The following KCNIP2 variants were observed in gnomAD, a reference collection of about 807,000 sequenced individuals.
KCNIP2 encodes the protein A-type potassium channel modulatory protein KCNIP2.
In KCNIP2, 19 loss-of-function variants were observed where a neutral mutation model predicts 39.0. The observed-to-expected ratio is 0.49, with a 90% CI of 0.34 to 0.71. KCNIP2 has a LOEUF of 0.71. Among genes scored for constraint, KCNIP2 ranks in the 30% least tolerant of loss-of-function variants. The pLI, the probability that KCNIP2 is intolerant of heterozygous loss-of-function variation, is 0.01. For missense variants in KCNIP2, 261 were observed against 346.0 expected, an observed-to-expected ratio of 0.75 and a Z score of 1.95; for synonymous variants, 111 against 131.2, an observed-to-expected ratio of 0.85 and a Z score of 1.05.
Position 101,827,134 on chromosome 10 carries a change from C to G in KCNIP2, c.*219G>C. 1 of 1,137,074 alleles carries G rather than the reference C, an allele frequency of 8.8e-7. No individual in the cohort carries two copies. The allele number at this position is 1,137,074 out of a possible 1,614,324, so 70.4% of individuals were successfully genotyped here. A position where few individuals can be genotyped will look rare whatever the true frequency, so the allele number is the denominator to read the frequency against. ...GTGTCAGGCAGGAAGGGGGTGAGAG[C>G]TGGTGGGAGTTGGGAACACCCCCCG... On this transcript the variant is annotated 3_prime_UTR_variant, in exon 10 of 10. Coordinates refer to ENST00000356640, the MANE Select transcript of KCNIP2 (RefSeq NM_173191.3).
At chr10:101,831,450 C>G (rs547642470) in intron 1 of KCNIP2, among the ~76,000 whole-genome samples, 1 of 152,124 alleles carries the variant, frequency 6.6e-6, no homozygotes, top group Non-Finnish European at 1.5e-5. Context: ...ACCTAGTACC[C>G]TTGGCTCAAG....
intron 1 of KCNIP2, among the ~76,000 whole-genome samples, chr10:101,840,720 G>T (rs1426346635): frequency 6.6e-6 from 1 of 152,160 alleles, no homozygotes; most frequent in Non-Finnish European, 1.5e-5. Context: ...CCGCATGATT[G>T]GTTGAAAACC....
intron 1 of KCNIP2, among the ~76,000 whole-genome samples, chr10:101,834,625 G>A (rs946279470): frequency 2.6e-5 from 4 of 152,176 alleles, no homozygotes; most frequent in Admixed American, 6.5e-5. Flanking sequence ...GGAACTTTTG[G>A]CCAAGATATG....
chr10:101,828,000 G>T lies in KCNIP2; in HGVS notation c.598-7C>A. On this transcript the variant is annotated splice_region_variant and splice_polypyrimidine_tract_variant and intron_variant, in intron 7 of 9. Transcript: ENST00000356640. ...TCATGATGTCAAGCATTTCCTGTTA[G>T]GCCAAGAGAGAAGAGGATCCTTCCT... The T allele has an allele frequency of 6.2e-7, 1 of 1,609,610 alleles. No homozygotes were observed. The highest frequency in any genetic ancestry group is 8.5e-7 in the Non-Finnish European group (1 of 1,175,940).
At chr10:101,833,480 CCTT>C in intron 1 of KCNIP2, among the ~76,000 whole-genome samples, 1 of 152,228 alleles carries the variant, frequency 6.6e-6, no homozygotes. Context: ...ATAAATGTCT[CCTT>C]CACAATGTTC....
chr10:101,828,835 T>A lies in KCNIP2; in HGVS notation c.349-139A>T, dbSNP rs1287714405. The stretch of plus-strand genomic sequence containing the variant: ...AGGACTCACCACGTGGCTCATGTGA[T>A]GGGAGGGAAGACTTCTTTCCCAGTG... On this transcript the variant is annotated intron_variant, in intron 4 of 9. Transcript: ENST00000356640. The surrounding 1 kb of genome is among the most constrained non-coding windows in gnomAD (Gnocchi z 6.6). 1 of 1,572,996 alleles carries A rather than the reference T, an allele frequency of 6.4e-7. No homozygotes were observed. Among genetic ancestry groups the A allele is most frequent in the South Asian group, 1.2e-5 (1 of 86,814 alleles).
chr10:101,843,423 G>T lies in KCNIP2; in HGVS notation c.73+73C>A. ...AGAGTGTGGGTGCGGGCCAGGCCGG[G>T]GTCGGAGAGGCGGAAGGGTCTGGAG... On this transcript the variant is annotated intron_variant, in intron 1 of 9. Coordinates refer to ENST00000356640, the MANE Select transcript of KCNIP2 (RefSeq NM_173191.3). The surrounding 1 kb of genome is among the most constrained non-coding windows in gnomAD (Gnocchi z 6.7). 2.0e-6 allele frequency: 2 copies of T among 1,005,842 alleles called. No homozygotes were observed. Among genetic ancestry groups the T allele is most frequent in the Non-Finnish European group, 2.8e-6 (2 of 723,806 alleles). The allele number at this position is 1,005,842 out of a possible 1,614,324, so 62.3% of individuals were successfully genotyped here.
In KCNIP2 at chr10:101,829,188, C is replaced by G; in HGVS notation, c.235G>C (p.Asp79His). 1 of 1,613,294 alleles carries G rather than the reference C, an allele frequency of 6.2e-7. No individual in the cohort carries two copies. The highest frequency in any genetic ancestry group is 8.5e-7 in the Non-Finnish European group (1 of 1,179,618). The change falls in exon 4 of 10, where the codon GAT becomes CAT. Residue 79 changes from aspartate (D) to histidine (H), a missense_variant. By Grantham distance (81) the Asp-to-His change is moderately conservative. Coordinates refer to ENST00000356640, the MANE Select transcript of KCNIP2 (RefSeq NM_173191.3). ...PRLLDPDSVD[D>H]EFELSTVCHR... ...CACACGGTGGACAATTCAAATTCATCGTCCACGCTGTCTGCGGGAGCGGTG... is the reference window on the plus strand; with the variant it reads ...CACACGGTGGACAATTCAAATTCATGGTCCACGCTGTCTGCGGGAGCGGTG...
intron 3 of KCNIP2, 74 bp downstream of exon 3, chr10:101,829,770 C>G: frequency 2.2e-6 from 1 of 460,670 alleles, no homozygotes; most frequent in Non-Finnish European, 3.4e-6. Context: ...GTCCAGCCCC[C>G]AGGCAAGTGC....
chr10:101,839,614 T>C (rs2066259570), intron 1 of KCNIP2: 2 of 783,850 alleles, frequency 2.6e-6, no homozygotes, highest in Admixed American at 3.9e-5. Context: ...GGATCTCGTC[T>C]TGGAAGCCCT....
chr10:101,828,786 G>C lies in KCNIP2; in HGVS notation c.349-90C>G, dbSNP rs2065844566. 6.2e-7 allele frequency: 1 copy of C among 1,609,174 alleles called. No homozygotes were observed. Among genetic ancestry groups the C allele is most frequent in the East Asian group, 2.2e-5 (1 of 44,734 alleles). ...CTCCATGGCCCAAGACTCCCAGGGAGGGGGATAATCTTCAAGCCTCCAGAG... is the reference window on the plus strand; with the variant it reads ...CTCCATGGCCCAAGACTCCCAGGGACGGGGATAATCTTCAAGCCTCCAGAG... On this transcript the variant is annotated intron_variant, in intron 4 of 9. Transcript: ENST00000356640. The surrounding 1 kb of genome is among the most constrained non-coding windows in gnomAD (Gnocchi z 6.6).
chr10:101,830,811 C>A (rs1205708115), intron 2 of KCNIP2, among the ~76,000 whole-genome samples: 1 of 149,492 alleles, frequency 6.7e-6, no homozygotes, highest in Non-Finnish European at 1.5e-5. Flanking sequence ...GCCCTCCACA[C>A]ACATGCAGGG....
chr10:101,834,166 T>A, intron 1 of KCNIP2: 1 of 397,768 alleles, frequency 2.5e-6, no homozygotes, highest in Non-Finnish European at 4.4e-6. Flanking sequence ...CACCTGCTCA[T>A]CCCTGCCCCA....
chr10:101,842,418 G>A (rs2066361474), intron 1 of KCNIP2, among the ~76,000 whole-genome samples: 1 of 152,252 alleles, frequency 6.6e-6, no homozygotes, highest in Non-Finnish European at 1.5e-5. Flanking sequence ...ACACCACATG[G>A]CACTTCCCAG....
chr10:101,837,356 A>G (rs1036906653), intron 1 of KCNIP2, among the ~76,000 whole-genome samples: 2 of 152,122 alleles, frequency 1.3e-5, no homozygotes, highest in African/African-American at 4.8e-5. Flanking sequence ...TTTTTCCAAG[A>G]TAACAGCTGA....
At position 101,829,195 on chromosome 10, in the gene KCNIP2, G is replaced by A. The variant is rs1313697615; in HGVS notation, c.228C>T (p.Ser76=). The A allele has an allele frequency of 1.2e-6, 2 of 1,612,330 alleles. No homozygotes were observed. The highest frequency in any genetic ancestry group is 1.7e-6 in the Non-Finnish European group (2 of 1,179,132). The stretch of plus-strand genomic sequence containing the variant: ...TGGACAATTCAAATTCATCGTCCAC[G>A]CTGTCTGCGGGAGCGGTGAGGACAG... ...PHRPRLLDPD[S]VDDEFELSTV... The change falls in exon 4 of 10, where the codon AGC becomes AGT. Residue 76 remains serine (S), a synonymous_variant. Transcript: ENST00000356640.
In KCNIP2 at chr10:101,843,536, G is replaced by C. The variant is rs759321327; in HGVS notation, c.33C>G (p.Ser11=). 8.2e-6 allele frequency: 13 copies of C among 1,579,636 alleles called. No homozygotes were observed. The highest frequency in any genetic ancestry group is 1.1e-5 in the Non-Finnish European group (13 of 1,164,536). The change falls in exon 1 of 10, where the codon TCC becomes TCG. Residue 11 remains serine (S), a synonymous_variant. Transcript: ENST00000356640. The surrounding 1 kb of genome is among the most constrained non-coding windows in gnomAD (Gnocchi z 6.7). ...AGGAGCCGTCCAGGTCTCGGGAATC[G>C]GACAAACTCTCCTTGCGGCCCTGGC... MRGQGRKESL[S]DSRDLDGSYD...
intron 1 of KCNIP2, among the ~76,000 whole-genome samples, chr10:101,840,064 G>GTC (rs1564674425): frequency 6.6e-6 from 1 of 151,706 alleles, no homozygotes; most frequent in Non-Finnish European, 1.5e-5. Flanking sequence ...GGACGGGGGG[G>GTC]GGGGGTGGCG....
chr10:101,827,195 CCA>C lies in KCNIP2; in HGVS notation c.*156_*157del. 7.5e-7 allele frequency: 1 copy of C among 1,337,872 alleles called. No homozygotes were observed. Among genetic ancestry groups the C allele is most frequent in the Non-Finnish European group, 9.6e-7 (1 of 1,042,776 alleles). The allele number at this position is 1,337,872 out of a possible 1,614,324, so 82.9% of individuals were successfully genotyped here. On this transcript the variant is annotated 3_prime_UTR_variant, in exon 10 of 10. Transcript: ENST00000356640. Reference sequence around the variant, plus strand: ...TGCCCACTCTCTGGCCCCTTCAGCTCCAGAGATCTGGACTACTGAATCCCCAA... The same window carrying C: ...TGCCCACTCTCTGGCCCCTTCAGCTCGAGATCTGGACTACTGAATCCCCAA...
Sources: gnomAD v4.1 joint callset for allele counts (sites outside exome capture counted in the v4.1 genomes callset) on GRCh38, gnomAD v4.1.1 for gene constraint, Gnocchi (gnomAD v3.1) non-coding constraint, MANE v1.5 for transcripts, NCBI Gene and HGNC (gene_info 2026-07-23, HGNC 2026-07-21) for gene names.